The following KIF2C variants were observed in gnomAD, a reference collection of about 807,000 sequenced individuals.
KIF2C encodes the protein kinesin family member 2C.
KIF2C carries 34 observed loss-of-function variants against 97.4 expected under a neutral mutation model. The observed-to-expected ratio is 0.35, with a 90% CI of 0.27 to 0.46. The LOEUF is 0.46. KIF2C is among the 20% of genes least tolerant of loss of function. The probability of loss-of-function intolerance (pLI) is 1.00; values close to 1 mark genes in which losing one functional copy is unlikely to be tolerated. For synonymous variants in KIF2C, 313 were observed against 318.2 expected, an observed-to-expected ratio of 0.98 and a Z score of 0.17; for missense variants, 750 against 907.6, an observed-to-expected ratio of 0.83 and a Z score of 2.23.
At chr1:44,755,501 T>C (rs1230067327) in intron 8 of KIF2C, among the ~76,000 whole-genome samples, 1 of 151,818 alleles carries the variant, frequency 6.6e-6, no homozygotes, top group Non-Finnish European at 1.5e-5. Flanking sequence ...CCTGACCTCG[T>C]GATCTGCCCA....
chr1:44,753,442 G>T (rs1282634156), intron 6 of KIF2C, among the ~76,000 whole-genome samples, 188 bp downstream of exon 6: 1 of 152,238 alleles, frequency 6.6e-6, no homozygotes, highest in Non-Finnish European at 1.5e-5. Context: ...CACTTCTGTG[G>T]TTGTTGAGAA....
At chr1:44,762,068 CT>C in intron 17 of KIF2C, 85 bp downstream of exon 17, 1 of 1,229,506 alleles carries the variant, frequency 8.1e-7, no homozygotes, top group Non-Finnish European at 1.2e-6. Context: ...GCTCTGGGGC[CT>C]CAGGGCCTAC....
At chr1:44,745,176 T>C (rs1440819956) in intron 2 of KIF2C, among the ~76,000 whole-genome samples, 2 of 147,066 alleles carry the variant, frequency 1.4e-5, no homozygotes, top group African/African-American at 5.0e-5. Flanking sequence ...GCACCAAGAG[T>C]GAAACTCCAT....
intron 8 of KIF2C, among the ~76,000 whole-genome samples, chr1:44,755,661 A>C (rs1265542426): frequency 6.6e-6 from 1 of 152,230 alleles, no homozygotes; most frequent in African/African-American, 2.4e-5. Context: ...CCCATACCAT[A>C]GGTTGGCTAG....
chr1:44,741,434 C>T (rs993368200), intron 2 of KIF2C, among the ~76,000 whole-genome samples: 14 of 151,634 alleles, frequency 9.2e-5, no homozygotes, highest in African/African-American at 1.5e-4. Flanking sequence ...CCTCTAATCC[C>T]GACACTTTGA....
chr1:44,749,649 C>G (rs940936497), intron 4 of KIF2C, among the ~76,000 whole-genome samples: 1 of 151,560 alleles, frequency 6.6e-6, no homozygotes, highest in Admixed American at 6.6e-5. Context: ...AAATTCAAAA[C>G]ATGGATTATA....
At chr1:44,740,065 C>G (rs1425594018) in intron 1 of KIF2C, 63 bp downstream of exon 1, 10 of 1,576,618 alleles carry the variant, frequency 6.3e-6, no homozygotes, top group South Asian at 1.1e-5. Flanking sequence ...AAATTACTGC[C>G]CGTCCCCGGA....
chr1:44,760,573 G>T lies in KIF2C; in HGVS notation c.1573-19G>T, dbSNP rs1650088535. 1 of 1,613,056 alleles carries T rather than the reference G, an allele frequency of 6.2e-7. No individual in the cohort carries two copies. Among genetic ancestry groups the T allele is most frequent in the Admixed American group, 1.7e-5 (1 of 59,890 alleles). ...TGCAAGGAAAGAAGGGACCTCAGTTGTTCCTGCTGCCCCCACAGGAGTGCA... is the reference window on the plus strand; with the variant it reads ...TGCAAGGAAAGAAGGGACCTCAGTTTTTCCTGCTGCCCCCACAGGAGTGCA... On this transcript the variant is annotated intron_variant, in intron 15 of 20. Coordinates refer to ENST00000372224, the MANE Select transcript of KIF2C (RefSeq NM_006845.4). The surrounding 1 kb of genome is among the most constrained non-coding windows in gnomAD (Gnocchi z 4.2).
At chr1:44,753,032 A>G (rs529442546) in intron 5 of KIF2C, 100 bp from the exon 6 acceptor site, 1 of 1,411,568 alleles carries the variant, frequency 7.1e-7, no homozygotes, top group South Asian at 1.3e-5. Context: ...CTTACCGAGC[A>G]GGCAGGTCGC....
At chr1:44,765,570 T>C (rs1650414669) in intron 19 of KIF2C, among the ~76,000 whole-genome samples, 1 of 151,970 alleles carries the variant, frequency 6.6e-6, no homozygotes, top group South Asian at 2.1e-4. Context: ...CGCGGTGGCT[T>C]ATGCCTATAA....
chr1:44,750,257 AAG>A, intron 4 of KIF2C, 183 bp from the exon 5 acceptor site: 3 of 503,904 alleles, frequency 6.0e-6, no homozygotes, highest in Non-Finnish European at 9.7e-6. Context: ...AATGTGGACA[AAG>A]AGGTTTTGGG....
chr1:44,764,836 T>C (rs1573580009), intron 19 of KIF2C, among the ~76,000 whole-genome samples: 1 of 152,132 alleles, frequency 6.6e-6, no homozygotes, highest in Non-Finnish European at 1.5e-5. Context: ...AAAGAATCAT[T>C]TGACCGGGCG....
intron 4 of KIF2C, among the ~76,000 whole-genome samples, chr1:44,749,719 AG>A (rs1416455287): frequency 2.0e-5 from 3 of 152,070 alleles, no homozygotes; most frequent in Non-Finnish European, 1.5e-5. Context: ...GTTTTGGCAG[AG>A]GTTGCAGTGA....
chr1:44,757,478 C>G, intron 10 of KIF2C, 78 bp from the exon 11 acceptor site: 1 of 928,068 alleles, frequency 1.1e-6, no homozygotes. Context: ...CCCTAGAACT[C>G]TGCAGTGGAA....
intron 7 of KIF2C, 38 bp downstream of exon 7, chr1:44,753,871 CA>C: frequency 7.6e-7 from 1 of 1,320,562 alleles, no homozygotes; most frequent in South Asian, 1.3e-5. Context: ...GGTTTTTGGA[CA>C]GGTGTCCTTA....
At chr1:44,753,617 G>A (rs1649645569) in intron 6 of KIF2C, 116 bp from the exon 7 acceptor site, 2 of 657,362 alleles carry the variant, frequency 3.0e-6, no homozygotes, top group Non-Finnish European at 5.2e-6. Flanking sequence ...ATCTAGAGAA[G>A]GCCTCTCCCT....
chr1:44,756,314 C>A, intron 10 of KIF2C, 77 bp downstream of exon 10: 2 of 1,400,868 alleles, frequency 1.4e-6, no homozygotes, highest in Non-Finnish European at 2.0e-6. Flanking sequence ...GGTAACACTA[C>A]TCACAGACGT....
chr1:44,746,602 A>T, intron 2 of KIF2C: 3 of 1,433,410 alleles, frequency 2.1e-6, no homozygotes, highest in Non-Finnish European at 2.7e-6. Flanking sequence ...GCCCAGCAGG[A>T]CCTCACTGCC....
At chr1:44,751,393 G>A (rs1248469302) in intron 5 of KIF2C, among the ~76,000 whole-genome samples, 1 of 151,748 alleles carries the variant, frequency 6.6e-6, no homozygotes, top group African/African-American at 2.4e-5. Context: ...GTGGGGTATC[G>A]CCATGTTGGC....
Sources: allele counts gnomAD v4.1 joint callset (sites outside exome capture counted in the v4.1 genomes callset), GRCh38; gene constraint gnomAD v4.1.1; non-coding constraint Gnocchi (gnomAD v3.1); transcripts MANE v1.5; gene names NCBI Gene and HGNC (gene_info 2026-07-23, HGNC 2026-07-21).